DSE: variants seen among roughly 807,000 people sequenced by gnomAD.
DSE encodes the protein dermatan sulfate epimerase, also known as dermatan-sulfate epimerase.
In DSE, 36 loss-of-function variants were observed where a neutral mutation model predicts 84.4. The observed-to-expected ratio is 0.43, with a 90% CI of 0.33 to 0.56. The LOEUF is 0.56. Ranked by LOEUF, DSE falls within the 20% of genes least tolerant of loss-of-function variation. The pLI is 0.06. For synonymous variants in DSE, 410 were observed against 430.1 expected (o/e 0.95, Z 0.58); for missense variants, 862 against 1,169.6 (o/e 0.74, Z 3.84).
chr6:116,393,748 G>A (rs1180621075), intron 1 of DSE, among the ~76,000 whole-genome samples: 1 of 152,194 alleles, frequency 6.6e-6, no homozygotes, highest in African/African-American at 2.4e-5. Context: ...CATATTATAA[G>A]AGGGTTTTTT....
chr6:116,437,384 A>G lies in DSE; in HGVS notation c.*39A>G. 6.7e-7 allele frequency: 1 copy of G among 1,499,404 alleles called. No homozygotes were observed. 92.9% of individuals were successfully genotyped at this position (1,499,404 alleles called of 1,614,324 possible). A position where few individuals can be genotyped will look rare whatever the true frequency, so the allele number is the denominator to read the frequency against. On this transcript the variant is annotated 3_prime_UTR_variant, in exon 6 of 6. Transcript: ENST00000644252. ...AATTACCTGGTCATTTTGTGATCACAAGAGTCTATGCAAAAAAAAAAATTT... is the reference window on the plus strand; with the variant it reads ...AATTACCTGGTCATTTTGTGATCACGAGAGTCTATGCAAAAAAAAAAATTT...
At position 116,269,881 on chromosome 6, in the gene DSE, T is replaced by G. The variant is rs1456430477; in HGVS notation, c.-54+10914T>G. ...CTGAAAATCTTTGCTTATAATAGAC[T>G]AACACATTCAGTTCATCAATATTGG... is the stretch of plus-strand genomic sequence containing the variant. On this transcript the variant is annotated intron_variant, in intron 2 of 3. Transcript: ENST00000430252. Among the ~76,000 whole-genome samples, 6 of 152,258 alleles carry G rather than the reference T, an allele frequency of 3.9e-5. No individual in the cohort carries two copies. The East Asian group carries it at 1.2e-3, about 29-fold the overall frequency.
rs917567921 is a variant in DSE, at chr6:116,433,620, T to G, written c.1118+70T>G. ...GTACTATTCATGCTATGCACTTGTT[T>G]TTTTGCATTTAAAAAGAAAAACTAA... On this transcript the variant is annotated intron_variant, in intron 5 of 5. Transcript: ENST00000644252. 4.1e-6 allele frequency: 6 copies of G among 1,470,380 alleles called. No individual in the cohort carries two copies. The African/African-American group carries it at 8.5e-5, about 21-fold the overall frequency. The allele number at this position is 1,470,380 out of a possible 1,614,324, so 91.1% of individuals were successfully genotyped here.
intron 2 of DSE, among the ~76,000 whole-genome samples, chr6:116,266,107 A>G (rs1398817394): frequency 1.3e-5 from 2 of 152,082 alleles, no homozygotes; most frequent in Admixed American, 1.3e-4. Flanking sequence ...CAGGGTTCCC[A>G]GCTTTCTCCC....
At chr6:116,380,292 A>G (rs1387604966) in intron 1 of DSE, among the ~76,000 whole-genome samples, 1 of 152,104 alleles carries the variant, frequency 6.6e-6, no homozygotes, top group Non-Finnish European at 1.5e-5. Flanking sequence ...GAAGGCATGC[A>G]AAATAAATAT....
At chr6:116,360,842 A>T (rs1425049544) in intron 2 of DSE, among the ~76,000 whole-genome samples, 1 of 152,066 alleles carries the variant, frequency 6.6e-6, no homozygotes, top group Non-Finnish European at 1.5e-5. Context: ...AAAAACTATG[A>T]GTTGAGTTTT....
At chr6:116,377,209 A>T (rs1440131477) in intron 1 of DSE, among the ~76,000 whole-genome samples, 1 of 152,240 alleles carries the variant, frequency 6.6e-6, no homozygotes, top group Non-Finnish European at 1.5e-5. Context: ...ATGCATAACA[A>T]TAACAAACTT....
At chr6:116,356,177 G>C (rs1397554238) in intron 2 of DSE, among the ~76,000 whole-genome samples, 1 of 152,126 alleles carries the variant, frequency 6.6e-6, no homozygotes, top group African/African-American at 2.4e-5. Context: ...AAGGTAATGG[G>C]GTGGGCTCAG....
chr6:116,436,178 C>T lies in DSE; in HGVS notation c.1710C>T (p.Asp570=). ...ATCCACAGCTGCTTCTCCTTGTAGA[C>T]CAAATACACCTGGGAGAGGAGAGTC... ...LLHPQLLLLV[D]QIHLGEESPL... Residue 570 remains aspartate (D), a synonymous_variant, in exon 6 of 6, where the codon GAC becomes GAT. Transcript: ENST00000644252. 6 of 1,613,544 alleles carry T rather than the reference C, an allele frequency of 3.7e-6. No homozygotes were observed. Among genetic ancestry groups the T allele is most frequent in the Non-Finnish European group, 5.1e-6 (6 of 1,180,014 alleles).
intron 2 of DSE, among the ~76,000 whole-genome samples, chr6:116,275,067 T>G (rs1773064138): frequency 6.6e-6 from 1 of 152,206 alleles, no homozygotes; most frequent in Non-Finnish European, 1.5e-5. Flanking sequence ...ATTGAGATAT[T>G]TTAACATTTT....
intron 2 of DSE, among the ~76,000 whole-genome samples, chr6:116,291,531 C>A (rs1464427599): frequency 6.6e-6 from 1 of 151,318 alleles, no homozygotes; most frequent in Non-Finnish European, 1.5e-5. Flanking sequence ...AAAATGGAAT[C>A]TGATAGTTAA....
chr6:116,364,998 A>C (rs980559896), intron 2 of DSE, among the ~76,000 whole-genome samples: 1 of 151,414 alleles, frequency 6.6e-6, no homozygotes, highest in Non-Finnish European at 1.5e-5. Flanking sequence ...ATGCCCGGCT[A>C]ATTTTTTGTG....
chr6:116,278,495 G>A (rs193166930), intron 2 of DSE: 3 of 1,613,528 alleles, frequency 1.9e-6, no homozygotes, highest in Middle Eastern at 1.8e-4. Flanking sequence ...ACCTTGTGCA[G>A]GAGTATTCCC....
At chr6:116,385,813 CAAAA>C (rs57173546) in intron 1 of DSE, among the ~76,000 whole-genome samples, 5 of 142,330 alleles carry the variant, frequency 3.5e-5, no homozygotes, top group Non-Finnish European at 6.2e-5. Context: ...TTAAAGACAG[CAAAA>C]AAAAAAAAAA....
chr6:116,254,272 T>C (rs1363423882), exon 1 of DSE: 1 of 673,258 alleles, frequency 1.5e-6, no homozygotes, highest in Non-Finnish European at 2.7e-6. Flanking sequence ...CTTACGTAAA[T>C]GGATGTAGAC....
At chr6:116,375,721 G>A (rs1031473684) in intron 1 of DSE, among the ~76,000 whole-genome samples, 4 of 152,170 alleles carry the variant, frequency 2.6e-5, no homozygotes, top group South Asian at 4.1e-4. Context: ...AAATTCATAT[G>A]CATTTAGAGA....
intron 2 of DSE, chr6:116,423,224 A>C (rs912938898): frequency 1.3e-5 from 2 of 152,252 alleles, no homozygotes; most frequent in African/African-American, 2.4e-5. Context: ...TGTGAGTTCA[A>C]AAAGAAAAAG....
At chr6:116,304,883 G>T (rs894012783) in intron 2 of DSE, among the ~76,000 whole-genome samples, 2 of 152,162 alleles carry the variant, frequency 1.3e-5, no homozygotes, top group Non-Finnish European at 2.9e-5. Context: ...GCTGTGTTCA[G>T]TTGGGAAATA....
At chr6:116,312,823 C>T (rs1775768196) in intron 2 of DSE, among the ~76,000 whole-genome samples, 1 of 151,592 alleles carries the variant, frequency 6.6e-6, no homozygotes. Flanking sequence ...CCTGGGAATG[C>T]AGTAGGAGAT....
Sources: gnomAD v4.1 joint callset for allele counts (sites outside exome capture counted in the v4.1 genomes callset) on GRCh38, gnomAD v4.1.1 for gene constraint, MANE v1.5 for transcripts, NCBI Gene and HGNC (gene_info 2026-07-23, HGNC 2026-07-21) for gene names.